Variants in CDC14A observed in about 807,000 individuals in gnomAD.
The protein encoded by CDC14A is cell division cycle 14A.
In CDC14A, 53 loss-of-function variants were observed where a neutral mutation model predicts 74.4. The ratio of observed to expected loss-of-function variants is 0.71; its 90% CI spans 0.57 to 0.89. CDC14A has a LOEUF of 0.89. Ranked by LOEUF, CDC14A falls within the 40% of genes least tolerant of loss-of-function variation. The probability of loss-of-function intolerance (pLI) is 0.00; values close to 1 mark genes in which losing one functional copy is unlikely to be tolerated. For missense variants in CDC14A, 646 were observed against 713.7 expected, an observed-to-expected ratio of 0.91 and a Z score of 1.08; for synonymous variants, 247 against 258.4, an observed-to-expected ratio of 0.96 and a Z score of 0.43.
intron 4 of CDC14A, among the ~76,000 whole-genome samples, chr1:100,408,822 C>T (rs1409111348): frequency 1.3e-5 from 2 of 152,196 alleles, no homozygotes; most frequent in Non-Finnish European, 2.9e-5. Flanking sequence ...TATCAATCAT[C>T]TGACACATTT....
intron 5 of CDC14A, among the ~76,000 whole-genome samples, chr1:100,426,938 A>G (rs1663030404): frequency 6.6e-6 from 1 of 152,246 alleles, no homozygotes. Flanking sequence ...TGAAGAATTT[A>G]GTTGAAAGAA....
chr1:100,479,321 G>A (rs1189201677), intron 10 of CDC14A, among the ~76,000 whole-genome samples: 4 of 151,912 alleles, frequency 2.6e-5, no homozygotes, highest in South Asian at 2.1e-4. Context: ...GTGGTTATTG[G>A]TTACATGGAT....
rs373313016 is a variant in CDC14A, at chr1:100,399,619, A to G, written c.309+8795A>G. Among the ~76,000 whole-genome samples, 12 of 152,140 alleles carry G rather than the reference A, an allele frequency of 7.9e-5. No homozygotes were observed. In the South Asian group the frequency reaches 2.3e-3, roughly 29 times the overall value. Reference sequence around the variant, plus strand: ...ATTATTCTCATGTTTTTATTTATAGATTTATTAACTGTTTGAAAACTTTGT... The same window carrying G: ...ATTATTCTCATGTTTTTATTTATAGGTTTATTAACTGTTTGAAAACTTTGT... On this transcript the variant is annotated intron_variant, in intron 4 of 15. Coordinates refer to ENST00000336454, the MANE Select transcript of CDC14A (RefSeq NM_003672.4).
chr1:100,464,010 T>C (rs1667565531), intron 9 of CDC14A, among the ~76,000 whole-genome samples: 1 of 152,222 alleles, frequency 6.6e-6, no homozygotes, highest in South Asian at 2.1e-4. Flanking sequence ...TGCCTAGTGC[T>C]GCTGTAACTG....
chr1:100,457,885 G>T (rs996665078), intron 8 of CDC14A, among the ~76,000 whole-genome samples: 1 of 151,848 alleles, frequency 6.6e-6, no homozygotes, highest in Non-Finnish European at 1.5e-5. Flanking sequence ...AACTGCTGTG[G>T]TTGGCATAAA....
At chr1:100,411,971 C>G (rs1019065303) in intron 4 of CDC14A, among the ~76,000 whole-genome samples, 1 of 152,116 alleles carries the variant, frequency 6.6e-6, no homozygotes, top group Non-Finnish European at 1.5e-5. Flanking sequence ...ACAACACATA[C>G]AAAGGCTTTA....
At chr1:100,403,942 A>C (rs1050568217) in intron 4 of CDC14A, among the ~76,000 whole-genome samples, 4 of 152,168 alleles carry the variant, frequency 2.6e-5, no homozygotes, top group African/African-American at 9.7e-5. Flanking sequence ...CTTAAACCTT[A>C]GGTTTATAAG....
rs777112652 is a variant in CDC14A at position 100,484,329 on chromosome 1, C to T, written c.1015C>T (p.Arg339Ter). ...GTTGTGGGTCCAAGGAGACATTTTCCGATCCAAACTGAAAAATCGACCATC... is the reference window on the plus strand; with the variant it reads ...GTTGTGGGTCCAAGGAGACATTTTCTGATCCAAACTGAAAAATCGACCATC... ...ASLWVQGDIF[R>*]SKLKNRPSSE... The change falls in exon 11 of 16, where the codon CGA becomes TGA. Residue 339 changes from arginine (R) to a stop codon, truncating the protein, a stop_gained. Transcript: ENST00000336454. LOFTEE classifies it high-confidence loss of function. 19 of 1,596,926 alleles carry T rather than the reference C, an allele frequency of 1.2e-5. No individual in the cohort carries two copies. Among genetic ancestry groups the T allele is most frequent in the Admixed American group, 3.5e-5 (2 of 57,738 alleles).
In CDC14A at chr1:100,440,136, A is replaced by T. The variant is rs532204069; in HGVS notation, c.456+138A>T. ...TAGAAGGCTTTTCACTTCTTGAAGG[A>T]TGATTGATTTGTAAAATACAAACAC... On this transcript the variant is annotated intron_variant, in intron 6 of 15. Coordinates refer to ENST00000336454, the MANE Select transcript of CDC14A (RefSeq NM_003672.4). 6 of 643,030 alleles carry T rather than the reference A, an allele frequency of 9.3e-6. No homozygotes were observed. The East Asian group carries it at 1.7e-4, about 18-fold the overall frequency. The allele number at this position is 643,030 out of a possible 1,614,324, so 39.8% of individuals were successfully genotyped here. A position where few individuals can be genotyped will look rare whatever the true frequency, so the allele number is the denominator to read the frequency against.
At chr1:100,479,829 A>C (rs2101334115) in intron 10 of CDC14A, among the ~76,000 whole-genome samples, 1 of 152,318 alleles carries the variant, frequency 6.6e-6, no homozygotes, top group South Asian at 2.1e-4. Context: ...CTACTGACTA[A>C]GCAAAAATAA....
intron 10 of CDC14A, among the ~76,000 whole-genome samples, chr1:100,470,760 T>C (rs1473555956): frequency 1.3e-5 from 2 of 152,194 alleles, no homozygotes; most frequent in Non-Finnish European, 2.9e-5. Context: ...TACTATTTTA[T>C]GTCAACCAAA....
At chr1:100,489,657 C>A (rs1670420524) in intron 11 of CDC14A, among the ~76,000 whole-genome samples, 1 of 150,498 alleles carries the variant, frequency 6.6e-6, no homozygotes, top group Non-Finnish European at 1.5e-5. Flanking sequence ...ATATCATTTT[C>A]TTGCCTTCAT....
chr1:100,424,449 C>T (rs532694841), intron 5 of CDC14A, 148 bp downstream of exon 5: 79 of 625,256 alleles, frequency 1.3e-4, no homozygotes, highest in Middle Eastern at 5.2e-4. Flanking sequence ...TATTTCATTT[C>T]GTAGAGTTTT....
chr1:100,518,047 T>G (rs1455424050), intron 15 of CDC14A, among the ~76,000 whole-genome samples: 1 of 152,198 alleles, frequency 6.6e-6, no homozygotes, highest in Non-Finnish European at 1.5e-5. Flanking sequence ...AAATATAAAG[T>G]TTTCTTACAA....
rs1399713871 is a variant in CDC14A at position 100,484,368 on chromosome 1, A to G, written c.1054A>G (p.Ile352Val). 2 of 1,607,422 alleles carry G rather than the reference A, an allele frequency of 1.2e-6. No individual in the cohort carries two copies. The highest frequency in any genetic ancestry group is 1.1e-5 in the South Asian group (1 of 90,058). Reference protein sequence around the residue: ...LKNRPSSEGSINKILSGLDDM... With the variant: ...LKNRPSSEGSVNKILSGLDDM... Reference sequence around the variant, plus strand: ...AAATCGACCATCCAGTGAAGGAAGTATTAATAAAATTCTTTCTGGCCTAGA... The same window carrying G: ...AAATCGACCATCCAGTGAAGGAAGTGTTAATAAAATTCTTTCTGGCCTAGA... The change falls in exon 11 of 16, where the codon ATT becomes GTT. Residue 352 changes from isoleucine to valine, a missense_variant. Ile to Val is a conservative substitution (Grantham distance 29). Transcript: ENST00000336454.
At chr1:100,397,580 G>A (rs547404476) in intron 4 of CDC14A, among the ~76,000 whole-genome samples, 8 of 152,156 alleles carry the variant, frequency 5.3e-5, no homozygotes, top group Non-Finnish European at 1.0e-4. Flanking sequence ...GGAGAATTTG[G>A]ATCAGGTCAC....
chr1:100,369,661 C>A (rs547654990), intron 2 of CDC14A, among the ~76,000 whole-genome samples: 2 of 151,966 alleles, frequency 1.3e-5, no homozygotes, highest in Admixed American at 6.6e-5. Context: ...AATATTTTTC[C>A]CCTTCTGTAT....
At chr1:100,375,251 A>G (rs1315844537) in intron 2 of CDC14A, among the ~76,000 whole-genome samples, 1 of 152,192 alleles carries the variant, frequency 6.6e-6, no homozygotes, top group East Asian at 1.9e-4. Flanking sequence ...GGAATAAGGA[A>G]TGGACATGTT....
At chr1:100,350,389 A>G (rs1170371923), upstream of CDC14A, among the ~76,000 whole-genome samples, 2 of 152,248 alleles carry the variant, frequency 1.3e-5, no homozygotes, top group Non-Finnish European at 2.9e-5. Context: ...CACCATGACC[A>G]GCCCCATGCA....
Sources: allele counts gnomAD v4.1 joint callset (sites outside exome capture counted in the v4.1 genomes callset), GRCh38; gene constraint gnomAD v4.1.1; transcripts MANE v1.5; gene names NCBI Gene and HGNC (gene_info 2026-07-23, HGNC 2026-07-21).